The following ENO4 variants were observed in gnomAD, a reference collection of about 807,000 sequenced individuals.
ENO4 encodes the protein 2-phospho-D-glycerate hydro-lyase.
In ENO4, 53 loss-of-function variants were observed where a neutral mutation model predicts 63.2. The observed-to-expected ratio is 0.84, with a 90% confidence interval of 0.67 to 1.05. The LOEUF (loss-of-function observed/expected upper bound fraction) is 1.05. ENO4 is among the 50% of genes least tolerant of loss of function. The pLI, the probability that ENO4 is intolerant of heterozygous loss-of-function variation, is 0.00. For synonymous variants in ENO4, 266 were observed against 283.8 expected (o/e 0.94, Z 0.63); for missense variants, 719 against 772.0 (o/e 0.93, Z 0.81).
intron 10 of ENO4, among the ~76,000 whole-genome samples, chr10:116,905,861 C>G (rs1241768545): frequency 6.6e-6 from 1 of 152,170 alleles, no homozygotes; most frequent in Non-Finnish European, 1.5e-5. Context: ...CATGACCGAG[C>G]TGATGAAACC....
intron 10 of ENO4, among the ~76,000 whole-genome samples, chr10:116,898,182 G>T (rs189953350): frequency 3.9e-5 from 6 of 152,164 alleles, no homozygotes; most frequent in Non-Finnish European, 7.4e-5. Flanking sequence ...ACAAAAATTA[G>T]CTGGGCATGG....
rs1457639507 is a variant in ENO4, at chr10:116,855,648, A to T, written c.191A>T (p.Lys64Met). 2 of 1,536,120 alleles carry T rather than the reference A, an allele frequency of 1.3e-6. No homozygotes were observed. The highest frequency in any genetic ancestry group is 1.4e-5 in the African/African-American group (1 of 73,002). ...HLANCFSKLA[K>M]PPTICKIVGK... is the part of the protein sequence containing the mutation. ...GCAAACTGCTTTTCTAAACTTGCAA[A>T]GCCTCCCACCATATGCAAAATAGTG... is the stretch of plus-strand genomic sequence containing the variant. The change falls in exon 2 of 14, where the codon AAG becomes ATG. Residue 64 changes from lysine (K) to methionine (M), a missense_variant. Lys to Met is a moderately conservative substitution (Grantham distance 95). Transcript: ENST00000341276.
chr10:116,886,666 CT>C (rs1460916757), downstream of ENO4: 16 of 1,509,322 alleles, frequency 1.1e-5, no homozygotes, highest in Admixed American at 3.1e-4. Flanking sequence ...CCAAAATGTT[CT>C]AAGTCTAATC....
At chr10:116,888,352 G>A (rs2133298005) in intron 10 of ENO4, among the ~76,000 whole-genome samples, 1 of 152,312 alleles carries the variant, frequency 6.6e-6, no homozygotes, top group East Asian at 1.9e-4. Flanking sequence ...TGTGATGGGA[G>A]AAGCAGAACA....
chr10:116,881,050 C>A (rs563973174), intron 13 of ENO4, among the ~76,000 whole-genome samples: 1 of 152,260 alleles, frequency 6.6e-6, no homozygotes, highest in South Asian at 2.1e-4. Flanking sequence ...AAAAATAAAT[C>A]TCTCCACTCC....
chr10:116,911,717 C>T, exon 11 of ENO4: 1 of 1,580,140 alleles, frequency 6.3e-7, no homozygotes, highest in Non-Finnish European at 8.7e-7. Flanking sequence ...AAACAATTCA[C>T]AAAAAACAGA....
rs571739112 is a variant in ENO4, at chr10:116,864,031, G to A, written c.990+1179G>A. ...AGATGATCAGTACCCAAGTCATGAG[G>A]GTGACCGTGAAGAGTAAACAAGTGT... On this transcript the variant is annotated intron_variant, in intron 7 of 13. Coordinates refer to ENST00000341276, the MANE Select transcript of ENO4 (RefSeq NM_001242699.2). Among the ~76,000 whole-genome samples the A allele has an allele frequency of 6.6e-5, 10 of 152,266 alleles. 1 individual carries two copies. In the East Asian group the frequency reaches 1.9e-3, roughly 29 times the overall value.
intron 10 of ENO4, among the ~76,000 whole-genome samples, chr10:116,904,382 A>T (rs184652014): frequency 6.6e-6 from 1 of 152,280 alleles, no homozygotes; most frequent in African/African-American, 2.4e-5. Context: ...GTACCACCTA[A>T]AAAATGGTAT....
chr10:116,868,006 G>A (rs1311235679), intron 7 of ENO4, among the ~76,000 whole-genome samples: 3 of 152,078 alleles, frequency 2.0e-5, no homozygotes, highest in African/African-American at 4.8e-5. Flanking sequence ...ATCAGTACAC[G>A]CTGAGCATCC....
chr10:116,876,374 A>G (rs760593600), intron 11 of ENO4, 114 bp downstream of exon 11: 3 of 896,136 alleles, frequency 3.3e-6, no homozygotes, highest in African/African-American at 1.7e-5. Context: ...GGAAGAAAAG[A>G]AAGTCCAACC....
intron 11 of ENO4, among the ~76,000 whole-genome samples, chr10:116,878,631 T>G (rs991199643): frequency 3.9e-5 from 6 of 151,968 alleles, no homozygotes; most frequent in African/African-American, 1.4e-4. Context: ...ATTTAAAAAA[T>G]TGAATCATGT....
chr10:116,865,831 G>A (rs1308053811), intron 7 of ENO4, among the ~76,000 whole-genome samples: 1 of 152,196 alleles, frequency 6.6e-6, no homozygotes, highest in Non-Finnish European at 1.5e-5. Context: ...CTGCTTTAAG[G>A]CTGTTGCTTT....
At chr10:116,901,544 G>A (rs1214235707) in intron 10 of ENO4, 1 of 985,142 alleles carries the variant, frequency 1.0e-6, no homozygotes, top group Non-Finnish European at 1.2e-6. Context: ...ACCAGTTTAG[G>A]GGAAGTAATT....
chr10:116,852,891 C>T (rs1846128540), intron 1 of ENO4, among the ~76,000 whole-genome samples: 1 of 152,140 alleles, frequency 6.6e-6, no homozygotes, highest in Non-Finnish European at 1.5e-5. Flanking sequence ...GCATAAGGGA[C>T]TCCAGAGAAG....
At chr10:116,861,221 TAAAAAAAA>T in intron 6 of ENO4, 31 bp downstream of exon 6, 2 of 294,612 alleles carry the variant, frequency 6.8e-6, no homozygotes, top group Admixed American at 6.5e-5. Context: ...TTACCTTTTC[TAAAAAAAA>T]AAAAAAAATA....
chr10:116,856,608 G>A lies in ENO4; in HGVS notation c.411G>A (p.Trp137Ter). Residue 137 changes from tryptophan (W) to a stop codon, truncating the protein, a stop_gained, in exon 3 of 14, where the codon TGG becomes TGA. Transcript: ENST00000341276. LOFTEE classifies it high-confidence loss of function. ...GCGCGGTGAGCACCGCCGTGCAGTG[G>A]GTCAACAGCACCATCACGCACGAGC... is the stretch of plus-strand genomic sequence containing the variant. ...RASAVSTAVQ[W>*]VNSTITHELQ... 2.0e-6 allele frequency: 3 copies of A among 1,536,150 alleles called. No individual in the cohort carries two copies. The highest frequency in any genetic ancestry group is 3.9e-5 in the Admixed American group (2 of 50,988).
intron 10 of ENO4, 84 bp from the exon 11 acceptor site, chr10:116,875,981 G>A: frequency 9.6e-7 from 1 of 1,037,826 alleles, no homozygotes; most frequent in South Asian, 2.2e-5. Flanking sequence ...AAATGTGTGA[G>A]CTTGAGTATG....
chr10:116,873,938 T>C (rs1456062762), intron 9 of ENO4, 138 bp from the exon 10 acceptor site: 3 of 1,334,528 alleles, frequency 2.2e-6, no homozygotes, highest in Admixed American at 3.0e-5. Flanking sequence ...GACAGATTTC[T>C]CAGGTCAACG....
intron 1 of ENO4, chr10:116,849,948 A>G (rs1846023537): frequency 1.4e-6 from 1 of 712,890 alleles, no homozygotes; most frequent in African/African-American, 1.7e-5. Flanking sequence ...GAAAGGAGGC[A>G]GCTGGAGGAA....
Sources: allele counts gnomAD v4.1 joint callset (sites outside exome capture counted in the v4.1 genomes callset), GRCh38; gene constraint gnomAD v4.1.1; transcripts MANE v1.5; gene names NCBI Gene and HGNC (gene_info 2026-07-23, HGNC 2026-07-21).